The following TMEM132B variants were observed in gnomAD, a reference collection of about 807,000 sequenced individuals.
The protein encoded by TMEM132B is transmembrane protein 132B.
In TMEM132B, 18 loss-of-function variants were observed where a neutral mutation model predicts 90.8. The ratio of observed to expected loss-of-function variants is 0.20; its 90% CI spans 0.14 to 0.29. The LOEUF is 0.29. TMEM132B is among the 10% of genes least tolerant of loss of function. The pLI, the probability that TMEM132B is intolerant of heterozygous loss-of-function variation, is 1.00. For synonymous variants in TMEM132B, 504 were observed against 523.3 expected (o/e 0.96, Z 0.50); for missense variants, 1,096 against 1,326.8 (o/e 0.83, Z 2.70).
chr12:125,454,899 A>G (rs1472306415), intron 3 of TMEM132B, among the ~76,000 whole-genome samples: 1 of 152,260 alleles, frequency 6.6e-6, no homozygotes, highest in East Asian at 1.9e-4. Flanking sequence ...TGAGAAGCTA[A>G]TAAGAGAACT....
At chr12:125,333,492 C>A (rs962730466) in intron 1 of TMEM132B, among the ~76,000 whole-genome samples, 1 of 152,336 alleles carries the variant, frequency 6.6e-6, no homozygotes, top group Admixed American at 6.5e-5. Flanking sequence ...GCTGTTTCAA[C>A]CTGCAATTCT....
In TMEM132B at chr12:125,349,857, C is replaced by G; in HGVS notation, c.473C>G (p.Thr158Arg). The G allele has an allele frequency of 6.2e-7, 1 of 1,614,014 alleles. No individual in the cohort carries two copies. ...ATGGGCTGGGATGACAGTGACCTTA[C>G]GGAAGATCTACCCTGTGTCAAGATG... Reference protein sequence around the residue: ...TGMGWDDSDLTEDLPCVKMFA... With the variant: ...TGMGWDDSDLREDLPCVKMFA... Residue 158 changes from threonine to arginine, a missense_variant, in exon 2 of 9, where the codon ACG (threonine) becomes AGG (arginine). By Grantham distance (71) the Thr-to-Arg change is moderately conservative (BLOSUM62 -1). Coordinates refer to ENST00000682704, the MANE Select transcript of TMEM132B (RefSeq NM_001366854.1). The surrounding 1 kb of genome is among the most constrained non-coding windows in gnomAD (Gnocchi z 4.1).
At chr12:125,221,854 G>A (rs1191113839) in intron 1 of TMEM132B, among the ~76,000 whole-genome samples, 4 of 152,220 alleles carry the variant, frequency 2.6e-5, no homozygotes, top group Non-Finnish European at 5.9e-5. Flanking sequence ...TGTGGGAAGG[G>A]AGATTGGAAG....
In TMEM132B at chr12:125,458,299, C is replaced by G. The variant is rs1207735564; in HGVS notation, c.1106+42622C>G. Among the ~76,000 whole-genome samples the G allele has an allele frequency of 6.6e-6, 1 of 152,078 alleles. No individual in the cohort carries two copies. Among genetic ancestry groups the G allele is most frequent in the African/African-American group, 2.4e-5 (1 of 41,384 alleles). Reference sequence around the variant, plus strand: ...TGTGCGTTTATTATAAAGTGCAGCTCAGGAGCTTGTGTCCATGACAGAGTA... The same window carrying G: ...TGTGCGTTTATTATAAAGTGCAGCTGAGGAGCTTGTGTCCATGACAGAGTA... On this transcript the variant is annotated intron_variant, in intron 3 of 8. Coordinates refer to ENST00000682704, the MANE Select transcript of TMEM132B (RefSeq NM_001366854.1). This position sits in a 1 kb window ranked among gnomAD's most constrained non-coding sequence, Gnocchi z 4.9.
At chr12:125,430,366 G>C (rs1225940454) in intron 3 of TMEM132B, among the ~76,000 whole-genome samples, 1 of 152,178 alleles carries the variant, frequency 6.6e-6, no homozygotes, top group African/African-American at 2.4e-5. Flanking sequence ...AATGTGCAGG[G>C]AGCTAAAACA....
At chr12:125,451,176 A>C (rs988916452) in intron 3 of TMEM132B, among the ~76,000 whole-genome samples, 6 of 152,220 alleles carry the variant, frequency 3.9e-5, no homozygotes, top group Non-Finnish European at 7.3e-5. Flanking sequence ...ATAAAACTGG[A>C]ATATAAGCAG....
chr12:125,323,454 C>CAA (rs1371780096), intron 1 of TMEM132B, among the ~76,000 whole-genome samples: 3 of 151,752 alleles, frequency 2.0e-5, no homozygotes, highest in Non-Finnish European at 2.9e-5. Context: ...AAAACAAAAA[C>CAA]AAACAAAAAA....
chr12:125,651,861 T>A (rs570292806), intron 7 of TMEM132B, among the ~76,000 whole-genome samples: 1 of 152,292 alleles, frequency 6.6e-6, no homozygotes, highest in East Asian at 1.9e-4. Flanking sequence ...TTCCTTGCAC[T>A]CTGTCAGCCA....
At chr12:125,351,118 A>G (rs757284758) in intron 2 of TMEM132B, among the ~76,000 whole-genome samples, 1 of 152,192 alleles carries the variant, frequency 6.6e-6, no homozygotes, top group Non-Finnish European at 1.5e-5. Context: ...AAGACAATAG[A>G]CCAGGGGTCA....
intron 4 of TMEM132B, among the ~76,000 whole-genome samples, chr12:125,529,022 C>T (rs922743167): frequency 3.4e-5 from 5 of 146,262 alleles, no homozygotes. Flanking sequence ...TTTCTTCCCC[C>T]TCCTTCTTCC....
rs576907268 is a variant in TMEM132B at position 125,633,364 on chromosome 12, G to A, written c.1438-10712G>A. On this transcript the variant is annotated intron_variant, in intron 5 of 8. Transcript: ENST00000682704. ...AATTTCTTTGAGTTTCCTCAAGACAGCTATTTTGAATTCTGTGTCTGAATG... is the reference window on the plus strand; with the variant it reads ...AATTTCTTTGAGTTTCCTCAAGACAACTATTTTGAATTCTGTGTCTGAATG... 9.5e-4 allele frequency among the ~76,000 whole-genome samples: 145 copies of A among 152,304 alleles called. 1 individual carries two copies. Among genetic ancestry groups the A allele is most frequent in the African/African-American group, 3.4e-3 (140 of 41,570 alleles).
chr12:125,235,677 C>A (rs1426418709), intron 1 of TMEM132B, among the ~76,000 whole-genome samples: 2 of 152,070 alleles, frequency 1.3e-5, no homozygotes, highest in Non-Finnish European at 2.9e-5. Context: ...TATGGATTGG[C>A]CAAGTTTGGG....
intron 2 of TMEM132B, among the ~76,000 whole-genome samples, chr12:125,391,214 T>C (rs1248971200): frequency 6.6e-6 from 1 of 152,066 alleles, no homozygotes; most frequent in Non-Finnish European, 1.5e-5. Context: ...CTTCACAGAG[T>C]GCCCTCAGGC....
At chr12:125,630,090 C>T (rs1014701758) in intron 5 of TMEM132B, among the ~76,000 whole-genome samples, 1 of 152,000 alleles carries the variant, frequency 6.6e-6, no homozygotes, top group Non-Finnish European at 1.5e-5. Flanking sequence ...AGGTATTGGC[C>T]TGTAGTTTTC....
At chr12:125,496,152 G>T (rs1050448838) in intron 3 of TMEM132B, among the ~76,000 whole-genome samples, 1 of 152,096 alleles carries the variant, frequency 6.6e-6, no homozygotes, top group Non-Finnish European at 1.5e-5. Context: ...AGAAAAAACT[G>T]GAAATTAGCC....
intron 6 of TMEM132B, among the ~76,000 whole-genome samples, chr12:125,645,555 A>T (rs901768054): frequency 1.3e-5 from 2 of 152,202 alleles, no homozygotes; most frequent in Admixed American, 6.5e-5. Flanking sequence ...TCCAAATGAC[A>T]ACCAGCCAGG....
chr12:125,648,530 GTTT>G (rs60114108), intron 6 of TMEM132B, among the ~76,000 whole-genome samples: 1 of 132,510 alleles, frequency 7.5e-6, no homozygotes, highest in African/African-American at 2.7e-5. Flanking sequence ...AAGATCTCCT[GTTT>G]TTTTTTTTTT....
In TMEM132B at chr12:125,555,513, T is replaced by G. The variant is rs184509815; in HGVS notation, c.1294-28338T>G. On this transcript the variant is annotated intron_variant, in intron 4 of 8. Coordinates refer to ENST00000682704, the MANE Select transcript of TMEM132B (RefSeq NM_001366854.1). ...AAAAACAAGTGCCCAGTACAGTGTT[T>G]TGGAGAGGTTAAGTGCAGGAATAAT... 2.1e-4 allele frequency among the ~76,000 whole-genome samples: 28 copies of G among 136,060 alleles called. No homozygotes were observed. In the East Asian group the frequency reaches 4.7e-3, roughly 23 times the overall value. The allele number at this position is 136,060 out of a possible 152,430, so 89.3% of individuals were successfully genotyped here.
chr12:125,501,051 G>A (rs117290652), intron 3 of TMEM132B, among the ~76,000 whole-genome samples: 334 of 152,268 alleles, frequency 2.2e-3, no homozygotes, highest in Middle Eastern at 6.8e-3. Context: ...TAAAGGGAGA[G>A]CCAGTTCAGA....
Sources: allele counts gnomAD v4.1 joint callset (sites outside exome capture counted in the v4.1 genomes callset), GRCh38; gene constraint gnomAD v4.1.1; non-coding constraint Gnocchi (gnomAD v3.1); transcripts MANE v1.5; gene names NCBI Gene and HGNC (gene_info 2026-07-23, HGNC 2026-07-21).